The following GRIN2B variants were observed in gnomAD, a reference collection of about 807,000 sequenced individuals.
GRIN2B encodes the protein glutamate ionotropic receptor NMDA type subunit 2B.
Under a neutral mutation model 114.5 loss-of-function variants are expected in GRIN2B, and 5 were observed. That is an observed-to-expected ratio of 0.04 (90% CI 0.02 to 0.09). GRIN2B has a LOEUF of 0.09. GRIN2B is among the 10% of genes least tolerant of loss of function. The probability of loss-of-function intolerance (pLI) is 1.00; values close to 1 mark genes in which losing one functional copy is unlikely to be tolerated. For missense variants in GRIN2B, 1,108 were observed against 1,943.5 expected, an observed-to-expected ratio of 0.57 and a Z score of 8.08; for synonymous variants, 787 against 745.1, an observed-to-expected ratio of 1.06 and a Z score of -0.92.
At chr12:13,962,665 G>A (rs1359646040) in intron 2 of GRIN2B, among the ~76,000 whole-genome samples, 1 of 152,204 alleles carries the variant, frequency 6.6e-6, no homozygotes, top group Non-Finnish European at 1.5e-5. Context: ...CCCGGCAGAG[G>A]ACTGGATTAT....
intron 4 of GRIN2B, among the ~76,000 whole-genome samples, chr12:13,714,789 T>C (rs1310493988): frequency 1.3e-5 from 2 of 151,956 alleles, no homozygotes; most frequent in African/African-American, 4.8e-5. Context: ...TTTTGATACA[T>C]GCACAGATTG....
intron 4 of GRIN2B, among the ~76,000 whole-genome samples, chr12:13,691,887 C>T (rs1409368588): frequency 6.6e-6 from 1 of 152,130 alleles, no homozygotes; most frequent in East Asian, 1.9e-4. Flanking sequence ...CAGCAATGGG[C>T]AAAAACCACC....
chr12:13,547,981 A>ATATAT lies in GRIN2B; in HGVS notation c.*14801_*14802insATATA. The ATATAT allele has an allele frequency of 6.4e-4, 44 of 68,594 alleles. 1 individual carries two copies. The highest frequency in any genetic ancestry group is 2.2e-3 in the South Asian group (3 of 1,378). The allele number at this position is 68,594 out of a possible 1,614,324, so 4.2% of individuals were successfully genotyped here. On this transcript the variant is annotated 3_prime_UTR_variant, in exon 14 of 14. Coordinates refer to ENST00000609686, the MANE Select transcript of GRIN2B (RefSeq NM_000834.5). ...TGTGTATATATATATATATATATAT[A>ATATAT]TTTTTTTTTTTTTTCTGAAAGCTAC...
At chr12:13,840,029 A>G (rs1225639408) in intron 3 of GRIN2B, among the ~76,000 whole-genome samples, 2 of 152,174 alleles carry the variant, frequency 1.3e-5, no homozygotes, top group Non-Finnish European at 1.5e-5. Context: ...CTAGAAGGAG[A>G]ACAAGTGAGT....
At chr12:13,857,490 G>A (rs1160295) in intron 3 of GRIN2B, among the ~76,000 whole-genome samples, 24,686 of 152,074 alleles carry the variant, frequency 0.16, 2,701 homozygotes, top group Non-Finnish European at 0.25. Context: ...GAAGATACCA[G>A]TAGAGAGGAA....
intron 2 of GRIN2B, among the ~76,000 whole-genome samples, chr12:13,880,011 C>T (rs1169390300): frequency 6.6e-6 from 1 of 152,192 alleles, no homozygotes; most frequent in East Asian, 1.9e-4. Context: ...CTGTGAGTCA[C>T]TGTAAAGTGT....
chr12:13,664,695 A>C (rs942659572), intron 5 of GRIN2B, among the ~76,000 whole-genome samples: 1 of 151,984 alleles, frequency 6.6e-6, no homozygotes, highest in Non-Finnish European at 1.5e-5. Flanking sequence ...ACTTTTTTTT[A>C]ACTTAATTGA....
intron 3 of GRIN2B, among the ~76,000 whole-genome samples, chr12:13,850,863 T>C (rs1865550666): frequency 6.6e-6 from 1 of 152,010 alleles, no homozygotes; most frequent in African/African-American, 2.4e-5. Flanking sequence ...CCATTAATAG[T>C]GCGGGCCAGT....
chr12:13,947,673 T>G (rs1226979132), intron 2 of GRIN2B, among the ~76,000 whole-genome samples: 1 of 152,196 alleles, frequency 6.6e-6, no homozygotes, highest in Non-Finnish European at 1.5e-5. Context: ...CCTTTTCAAC[T>G]TGAAACCCTA....
chr12:13,883,658 G>A (rs181648729), intron 2 of GRIN2B, among the ~76,000 whole-genome samples: 79 of 152,062 alleles, frequency 5.2e-4, no homozygotes, highest in Admixed American at 6.6e-5. Flanking sequence ...TTGCTATTGA[G>A]TTGTGAGAGT....
chr12:13,780,612 G>A (rs1864091457), intron 3 of GRIN2B, among the ~76,000 whole-genome samples: 1 of 152,204 alleles, frequency 6.6e-6, no homozygotes, highest in Admixed American at 6.5e-5. Context: ...GGAAGGGAAT[G>A]TAAAGAATCC....
At chr12:13,744,135 C>T (rs746336193) in intron 4 of GRIN2B, among the ~76,000 whole-genome samples, 7 of 152,134 alleles carry the variant, frequency 4.6e-5, no homozygotes, top group African/African-American at 9.7e-5. Flanking sequence ...TCCTTACAGC[C>T]GTCAAGACTT....
intron 4 of GRIN2B, among the ~76,000 whole-genome samples, chr12:13,678,772 G>T (rs1342317602): frequency 6.6e-6 from 1 of 152,080 alleles, no homozygotes; most frequent in Non-Finnish European, 1.5e-5. Flanking sequence ...AGGCCCTGAA[G>T]AATTCATTGC....
chr12:13,791,470 A>AT (rs1864320739), intron 3 of GRIN2B, among the ~76,000 whole-genome samples: 1 of 151,660 alleles, frequency 6.6e-6, no homozygotes, highest in Non-Finnish European at 1.5e-5. Flanking sequence ...AAATAAAAAA[A>AT]AAAAATTCCA....
chr12:13,860,115 A>G (rs1865729203), intron 3 of GRIN2B, among the ~76,000 whole-genome samples: 1 of 152,170 alleles, frequency 6.6e-6, no homozygotes, highest in African/African-American at 2.4e-5. Context: ...GTCTACTCCC[A>G]GTGTCACACA....
chr12:13,961,417 G>A (rs1057375648), intron 2 of GRIN2B, among the ~76,000 whole-genome samples: 2 of 152,166 alleles, frequency 1.3e-5, no homozygotes, highest in African/African-American at 4.8e-5. Context: ...AAGAGGCAAT[G>A]TGGAAGAATT....
rs573979291 is a variant in GRIN2B, at chr12:13,669,953, G to A, written c.1125+5792C>T. On this transcript the variant is annotated intron_variant, in intron 5 of 13. Transcript: ENST00000609686. The stretch of plus-strand genomic sequence containing the variant: ...GACATGAGGTCACCAGAGACACAGC[G>A]TCCCTTAGCCTGTCTTATTTATTCC... Among the ~76,000 whole-genome samples the A allele has an allele frequency of 2.6e-5, 4 of 152,172 alleles. No individual in the cohort carries two copies. In the East Asian group the frequency reaches 5.8e-4, roughly 22 times the overall value.
At chr12:13,843,223 T>C (rs1034492978) in intron 3 of GRIN2B, among the ~76,000 whole-genome samples, 12 of 150,750 alleles carry the variant, frequency 8.0e-5, no homozygotes, top group African/African-American at 2.4e-4. Flanking sequence ...TGAATCCCCA[T>C]ACACATCACA....
intron 3 of GRIN2B, among the ~76,000 whole-genome samples, chr12:13,775,263 A>G (rs1483151702): frequency 6.6e-6 from 1 of 152,208 alleles, no homozygotes; most frequent in African/African-American, 2.4e-5. Context: ...ATAATAGGTA[A>G]TAACTATACT....
Sources: allele counts gnomAD v4.1 joint callset (sites outside exome capture counted in the v4.1 genomes callset), GRCh38; gene constraint gnomAD v4.1.1; transcripts MANE v1.5; gene names NCBI Gene and HGNC (gene_info 2026-07-23, HGNC 2026-07-21).